The following CRIM1 variants were observed in gnomAD, a reference collection of about 807,000 sequenced individuals.
CRIM1 encodes cysteine rich transmembrane BMP regulator 1.
In CRIM1, 32 loss-of-function variants were observed where a neutral mutation model predicts 116.4. That is an observed-to-expected ratio of 0.27 (90% CI 0.21 to 0.37). The LOEUF is 0.37. Ranked by LOEUF, CRIM1 falls within the 10% of genes least tolerant of loss-of-function variation. CRIM1 has a pLI of 1.00. For synonymous variants in CRIM1, 590 were observed against 509.2 expected (o/e 1.16, Z -2.13); for missense variants, 1,331 against 1,354.8 (o/e 0.98, Z 0.28).
At chr2:36,418,193 A>G (rs1246854829) in intron 2 of CRIM1, among the ~76,000 whole-genome samples, 1 of 152,256 alleles carries the variant, frequency 6.6e-6, no homozygotes, top group East Asian at 1.9e-4. Context: ...GTTTATAAAT[A>G]GAGCCAGCAG....
intron 7 of CRIM1, among the ~76,000 whole-genome samples, chr2:36,483,041 G>A (rs1427488104): frequency 1.3e-5 from 2 of 152,172 alleles, no homozygotes; most frequent in African/African-American, 4.8e-5. Context: ...TGGCACTTAA[G>A]TACTCTCATG....
intron 1 of CRIM1, among the ~76,000 whole-genome samples, chr2:36,373,582 A>G (rs1670090914): frequency 6.6e-6 from 1 of 152,182 alleles, no homozygotes; most frequent in South Asian, 2.1e-4. Context: ...AAGCAAACCG[A>G]TGGGGCATTT....
intron 11 of CRIM1, among the ~76,000 whole-genome samples, chr2:36,515,064 G>A (rs902523714): frequency 5.3e-5 from 8 of 152,180 alleles, no homozygotes; most frequent in Admixed American, 3.9e-4. Flanking sequence ...GGTAAATGAG[G>A]ACTTTAATAT....
intron 4 of CRIM1, among the ~76,000 whole-genome samples, chr2:36,450,928 T>C (rs1676669951): frequency 6.6e-6 from 1 of 152,216 alleles, no homozygotes; most frequent in South Asian, 2.1e-4. Flanking sequence ...AGAAGAAGTT[T>C]TCTGGGGTTC....
intron 6 of CRIM1, among the ~76,000 whole-genome samples, 181 bp from the exon 7 acceptor site, chr2:36,479,316 G>T (rs1389730690): frequency 6.6e-6 from 1 of 152,168 alleles, no homozygotes; most frequent in African/African-American, 2.4e-5. Flanking sequence ...CATAAATTCA[G>T]TGTGACAGCT....
At chr2:36,448,152 T>A (rs1676394911) in intron 4 of CRIM1, among the ~76,000 whole-genome samples, 1 of 152,258 alleles carries the variant, frequency 6.6e-6, no homozygotes, top group Non-Finnish European at 1.5e-5. Context: ...AATGCTACTT[T>A]GGGATACCAG....
At chr2:36,366,423 G>C (rs977169130) in intron 1 of CRIM1, among the ~76,000 whole-genome samples, 8 of 151,552 alleles carry the variant, frequency 5.3e-5, no homozygotes, top group African/African-American at 1.5e-4. Flanking sequence ...AAAAAAATAA[G>C]TGTTAATTAT....
chr2:36,428,174 G>A (rs1243177192), intron 2 of CRIM1, among the ~76,000 whole-genome samples: 2 of 152,244 alleles, frequency 1.3e-5, no homozygotes, highest in South Asian at 4.1e-4. Context: ...TGATGACTGT[G>A]TGTTTTGATG....
intron 1 of CRIM1, among the ~76,000 whole-genome samples, chr2:36,372,283 T>C (rs977773417): frequency 2.0e-5 from 3 of 152,180 alleles, no homozygotes; most frequent in Non-Finnish European, 4.4e-5. Flanking sequence ...TTGGATTTAC[T>C]CCAAACCCTA....
chr2:36,518,946 C>T lies in CRIM1; in HGVS notation c.2206+1404C>T, dbSNP rs534082247. ...AAGGTTAATGAAAACAGACATGATTCCTGTCCTGGAGCAATAGCCGAAAAG... is the reference window on the plus strand; with the variant it reads ...AAGGTTAATGAAAACAGACATGATTTCTGTCCTGGAGCAATAGCCGAAAAG... On this transcript the variant is annotated intron_variant, in intron 12 of 16. Transcript: ENST00000280527. 3.9e-5 allele frequency among the ~76,000 whole-genome samples: 6 copies of T among 152,308 alleles called. No homozygotes were observed. The South Asian group carries it at 1.2e-3, about 32-fold the overall frequency.
chr2:36,507,945 ATC>A (rs1270224375), intron 8 of CRIM1, among the ~76,000 whole-genome samples: 5 of 152,338 alleles, frequency 3.3e-5, no homozygotes, highest in Middle Eastern at 3.4e-3. Flanking sequence ...TTTTTAATTC[ATC>A]TGTTTCCCAA....
intron 14 of CRIM1, among the ~76,000 whole-genome samples, chr2:36,543,244 C>T (rs79477199): frequency 6.6e-6 from 1 of 152,114 alleles, no homozygotes; most frequent in Non-Finnish European, 1.5e-5. Context: ...GGGTTTCTTT[C>T]CCTGGCTGGG....
intron 5 of CRIM1, among the ~76,000 whole-genome samples, chr2:36,467,381 C>T (rs1054358419): frequency 2.6e-5 from 4 of 152,184 alleles, no homozygotes; most frequent in African/African-American, 9.7e-5. Context: ...CATTCATACT[C>T]ATACACACAC....
At chr2:36,417,927 A>G (rs1276683654) in intron 2 of CRIM1, among the ~76,000 whole-genome samples, 1 of 152,340 alleles carries the variant, frequency 6.6e-6, no homozygotes, top group Non-Finnish European at 1.5e-5. Context: ...GATGAACAGG[A>G]TTTCAGTAAA....
intron 9 of CRIM1, among the ~76,000 whole-genome samples, chr2:36,511,621 A>G (rs1664689310): frequency 2.6e-5 from 4 of 152,190 alleles, no homozygotes; most frequent in Admixed American, 2.6e-4. Context: ...GAGATTGTAG[A>G]TTTCACTTTG....
At chr2:36,358,329 A>G (rs1346763112) in intron 1 of CRIM1, among the ~76,000 whole-genome samples, 5 of 152,244 alleles carry the variant, frequency 3.3e-5, no homozygotes, top group South Asian at 2.1e-4. Flanking sequence ...CTTCAAGTGT[A>G]TAACTTAATC....
At chr2:36,544,053 G>A (rs1043928522) in intron 14 of CRIM1, among the ~76,000 whole-genome samples, 1 of 152,134 alleles carries the variant, frequency 6.6e-6, no homozygotes, top group Non-Finnish European at 1.5e-5. Context: ...TTAGCTGCTG[G>A]AAAGTAATAA....
intron 5 of CRIM1, among the ~76,000 whole-genome samples, chr2:36,474,712 G>A (rs1450555243): frequency 6.6e-6 from 1 of 151,910 alleles, no homozygotes. Context: ...GCTGGGCATG[G>A]TGTCATGCAC....
chr2:36,417,891 T>A (rs561730534), intron 2 of CRIM1, among the ~76,000 whole-genome samples: 3 of 152,148 alleles, frequency 2.0e-5, no homozygotes, highest in African/African-American at 7.2e-5. Context: ...AATCAGAAAT[T>A]GTGGCATTTT....
Sources: gnomAD v4.1 joint callset for allele counts (sites outside exome capture counted in the v4.1 genomes callset) on GRCh38, gnomAD v4.1.1 for gene constraint, MANE v1.5 for transcripts, NCBI Gene and HGNC (gene_info 2026-07-23, HGNC 2026-07-21) for gene names.